The following PHF3 variants were observed in gnomAD, a reference collection of about 807,000 sequenced individuals.
The protein encoded by PHF3 is PHD finger protein 3.
A neutral mutation model predicts 178.4 loss-of-function variants in PHF3; 41 were observed. The ratio of observed to expected loss-of-function variants is 0.23; its 90% CI spans 0.18 to 0.30. PHF3 has a LOEUF of 0.30. PHF3 is among the 10% of genes least tolerant of loss of function. The pLI is 1.00. For missense variants in PHF3, 2,346 were observed against 2,398.1 expected (o/e 0.98, Z 0.45); for synonymous variants, 842 against 800.5 (o/e 1.05, Z -0.88).
At chr6:63,645,717 G>A (rs1003038745) in intron 1 of PHF3, among the ~76,000 whole-genome samples, 1 of 152,078 alleles carries the variant, frequency 6.6e-6, no homozygotes, top group Non-Finnish European at 1.5e-5. Context: ...CATAATTGAG[G>A]CTCCTGTAGA....
At chr6:63,659,579 T>G (rs968563005) in intron 2 of PHF3, among the ~76,000 whole-genome samples, 2 of 152,224 alleles carry the variant, frequency 1.3e-5, no homozygotes, top group African/African-American at 4.8e-5. Context: ...CACGAAAACC[T>G]TAAGAGCTGT....
chr6:63,654,362 A>G (rs920499630), intron 2 of PHF3, among the ~76,000 whole-genome samples: 3 of 152,356 alleles, frequency 2.0e-5, no homozygotes, highest in Non-Finnish European at 2.9e-5. Flanking sequence ...AAGACAAAGT[A>G]TATACTTTTT....
rs1768185022 is a variant in PHF3, at chr6:63,716,192, GAGA to G, written c.*2487_*2489del. Among the ~76,000 whole-genome samples the G allele has an allele frequency of 6.6e-6, 1 of 152,138 alleles. No individual in the cohort carries two copies. Among genetic ancestry groups the G allele is most frequent in the Non-Finnish European group, 1.5e-5 (1 of 68,006 alleles). ...TTAGAGCTGAGGAAACTGGAACTTA[GAGA>G]AGTTGGGAAACTTGGCCAGGTTACC... On this transcript the variant is annotated 3_prime_UTR_variant, in exon 16 of 16. Transcript: ENST00000262043.
chr6:63,685,627 A>T lies in PHF3; in HGVS notation c.1905A>T (p.Pro635=), dbSNP rs1468926834. Residue 635 remains proline, a synonymous_variant, in exon 4 of 16, where the codon CCA becomes CCT. Coordinates refer to ENST00000262043, the MANE Select transcript of PHF3 (RefSeq NM_001370348.2). ...KQCHKPQQQA[P]AMKTNSHVKE... ...GTCATAAGCCTCAGCAACAGGCCCC[A>T]GCAATGAAAACCAATAGTCACGTGA... 1 of 1,614,172 alleles carries T rather than the reference A, an allele frequency of 6.2e-7. No individual in the cohort carries two copies. Among genetic ancestry groups the T allele is most frequent in the East Asian group, 2.2e-5 (1 of 44,884 alleles).
rs143303792 is a variant in PHF3 at position 63,718,423 on chromosome 6, C to G, written c.*4715C>G. 3.2e-4 allele frequency among the ~76,000 whole-genome samples: 49 copies of G among 152,054 alleles called. No individual in the cohort carries two copies. In the East Asian group the frequency reaches 8.9e-3, roughly 28 times the overall value. On this transcript the variant is annotated 3_prime_UTR_variant, in exon 16 of 16. Transcript: ENST00000262043. ...ATCATTATTTAGCATACTAGAAAAT[C>G]AAATGATAAACGTTAAAAATATTTG...
At chr6:63,673,192 A>T (rs986459153) in intron 2 of PHF3, among the ~76,000 whole-genome samples, 1 of 152,162 alleles carries the variant, frequency 6.6e-6, no homozygotes, top group Admixed American at 6.6e-5. Context: ...AACAGCAGAA[A>T]CAGCACCGCT....
In PHF3 at chr6:63,714,524, A is replaced by G. The variant is rs1251524488; in HGVS notation, c.*816A>G. 1.3e-5 allele frequency: 2 copies of G among 152,548 alleles called. No individual in the cohort carries two copies. Among genetic ancestry groups the G allele is most frequent in the African/African-American group, 4.8e-5 (2 of 41,428 alleles). The allele number at this position is 152,548 out of a possible 1,614,324, so 9.4% of individuals were successfully genotyped here. A position where few individuals can be genotyped will look rare whatever the true frequency, so the allele number is the denominator to read the frequency against. On this transcript the variant is annotated 3_prime_UTR_variant, in exon 16 of 16. Coordinates refer to ENST00000262043, the MANE Select transcript of PHF3 (RefSeq NM_001370348.2). Reference sequence around the variant, plus strand: ...TTTAAAGCTTTAATTACCTTCAGACATTGATTTTTTGTTACTCAGCCAAGA... The same window carrying G: ...TTTAAAGCTTTAATTACCTTCAGACGTTGATTTTTTGTTACTCAGCCAAGA...
intron 2 of PHF3, among the ~76,000 whole-genome samples, chr6:63,661,833 A>G (rs1222711704): frequency 3.3e-5 from 5 of 152,168 alleles, no homozygotes; most frequent in Non-Finnish European, 5.9e-5. Flanking sequence ...GAGATTGCAT[A>G]AATTTAGGCT....
chr6:63,673,143 G>A (rs1452501653), intron 2 of PHF3, among the ~76,000 whole-genome samples: 1 of 150,992 alleles, frequency 6.6e-6, no homozygotes, highest in Non-Finnish European at 1.5e-5. Context: ...CAACAATCTT[G>A]TATTACCAAA....
In PHF3 at chr6:63,694,728, A is replaced by G. The variant is rs746272514; in HGVS notation, c.2644A>G (p.Thr882Ala). 20 of 1,571,734 alleles carry G rather than the reference A, an allele frequency of 1.3e-5. No individual in the cohort carries two copies. The highest frequency in any genetic ancestry group is 2.4e-5 in the South Asian group (2 of 82,738). Residue 882 changes from threonine to alanine, a missense_variant, in exon 6 of 16, where the codon ACT becomes GCT. This residue lies in a region of PHF3 where 252 missense variants were observed against 232.0 expected (regional missense o/e 1.09). Coordinates refer to ENST00000262043, the MANE Select transcript of PHF3 (RefSeq NM_001370348.2). ...TGAAAAAATACCGAAAGAGTCTACA[A>G]CTGTTACTTGCACAGGAGAAAAAGC... ...KSEKIPKESTTVTCTGEKASK... is the reference protein window; with the variant it reads ...KSEKIPKESTAVTCTGEKASK...
At chr6:63,706,598 A>G in intron 12 of PHF3, 131 bp from the exon 13 acceptor site, 1 of 698,648 alleles carries the variant, frequency 1.4e-6, no homozygotes, top group Non-Finnish European at 2.3e-6. Context: ...ATAAAATGAA[A>G]GTGTGAACTC....
In PHF3 at chr6:63,724,675, A is replaced by G. The variant is rs372768869; in HGVS notation, c.*10967A>G. 3.9e-5 allele frequency among the ~76,000 whole-genome samples: 6 copies of G among 152,268 alleles called. No individual in the cohort carries two copies. Among genetic ancestry groups the G allele is most frequent in the African/African-American group, 1.4e-4 (6 of 41,580 alleles). On this transcript the variant is annotated 3_prime_UTR_variant, in exon 16 of 16. Transcript: ENST00000262043. The stretch of plus-strand genomic sequence containing the variant: ...ATCTTTCAAAAATCAGAGATCTGAG[A>G]TCATCTAGTATAATTTTCAAGTTAT...
intron 14 of PHF3, among the ~76,000 whole-genome samples, chr6:63,710,355 T>G (rs1035023374): frequency 2.6e-5 from 4 of 152,180 alleles, no homozygotes; most frequent in Admixed American, 1.3e-4. Context: ...TGTATGGTGA[T>G]TTTTACTCTA....
intron 2 of PHF3, among the ~76,000 whole-genome samples, chr6:63,647,103 A>G (rs781375190): frequency 6.6e-6 from 1 of 151,980 alleles, no homozygotes; most frequent in Non-Finnish European, 1.5e-5. Flanking sequence ...TTTAATAATT[A>G]CATCATGACA....
At chr6:63,666,292 A>G (rs1582035928) in intron 2 of PHF3, among the ~76,000 whole-genome samples, 1 of 152,134 alleles carries the variant, frequency 6.6e-6, no homozygotes, top group African/African-American at 2.4e-5. Context: ...AGATCAGGGA[A>G]CACCTAATGA....
intron 2 of PHF3, among the ~76,000 whole-genome samples, chr6:63,678,054 CT>C (rs1338885385): frequency 6.6e-6 from 1 of 151,916 alleles, no homozygotes; most frequent in African/African-American, 2.4e-5. Flanking sequence ...TAAACCCCGT[CT>C]CTACTAAAAA....
At chr6:63,646,885 T>C in intron 2 of PHF3, 90 bp downstream of exon 2, 1 of 204,318 alleles carries the variant, frequency 4.9e-6, no homozygotes, top group Non-Finnish European at 8.1e-6. Context: ...TCTTTTTTTC[T>C]TTTTTTTTTT....
At chr6:63,678,150 G>A (rs184738673) in intron 2 of PHF3, among the ~76,000 whole-genome samples, 1,592 of 151,850 alleles carry the variant, frequency 0.01, 25 homozygotes, top group African/African-American at 0.037. Context: ...TTGAACCTGG[G>A]AGGTGGAGGT....
rs1768280451 is a variant in PHF3, at chr6:63,719,220, C to T, written c.*5512C>T. Among the ~76,000 whole-genome samples the T allele has an allele frequency of 6.6e-6, 1 of 152,006 alleles. No individual in the cohort carries two copies. Among genetic ancestry groups the T allele is most frequent in the Non-Finnish European group, 1.5e-5 (1 of 67,932 alleles). On this transcript the variant is annotated 3_prime_UTR_variant, in exon 16 of 16. Transcript: ENST00000262043. ...TAGCCTTTTGATTGGAATGGAGTGG[C>T]TAAAATAAGACAAAAATCTCTAATA... is the stretch of plus-strand genomic sequence containing the variant.
Sources: gnomAD v4.1 joint callset for allele counts (sites outside exome capture counted in the v4.1 genomes callset) on GRCh38, gnomAD v4.1.1 for gene constraint, gnomAD v4.1.1 regional missense constraint, MANE v1.5 for transcripts, NCBI Gene and HGNC (gene_info 2026-07-23, HGNC 2026-07-21) for gene names.